The following CEP250 variants were observed in gnomAD, a reference collection of about 807,000 sequenced individuals.
The protein encoded by CEP250 is centrosomal protein 250.
In CEP250, 242 loss-of-function variants were observed where a neutral mutation model predicts 315.7. That is an observed-to-expected ratio of 0.77 (90% CI 0.69 to 0.85). CEP250 has a LOEUF of 0.85. Ranked by LOEUF, CEP250 falls within the 40% of genes least tolerant of loss-of-function variation. The pLI is 0.00. For synonymous variants in CEP250, 1,088 were observed against 1,175.0 expected, an observed-to-expected ratio of 0.93 and a Z score of 1.51; for missense variants, 2,515 against 2,886.4, an observed-to-expected ratio of 0.87 and a Z score of 2.95.
chr20:35,466,697 T>C (rs2062886315), intron 7 of CEP250, among the ~76,000 whole-genome samples: 1 of 152,144 alleles, frequency 6.6e-6, no homozygotes, highest in African/African-American at 2.4e-5. Flanking sequence ...TCTGTGGTAA[T>C]AGATCCCATT....
In CEP250 at chr20:35,503,310, G is replaced by A; in HGVS notation, c.4941G>A (p.Glu1647=). 2 of 1,614,210 alleles carry A rather than the reference G, an allele frequency of 1.2e-6. No individual in the cohort carries two copies. The highest frequency in any genetic ancestry group is 1.7e-6 in the Non-Finnish European group (2 of 1,180,038). ...TCGAGGAGCTGCAGAGGCAGAAAGA[G>A]CATCTGACTCAGGATCTCGAGAGGA... ...EQIEELQRQK[E]HLTQDLERRD... is the part of the protein sequence containing the mutation. The change falls in exon 30 of 35, where the codon GAG becomes GAA. Residue 1647 remains glutamate, a synonymous_variant. Transcript: ENST00000397527. The surrounding 1 kb of genome is among the most constrained non-coding windows in gnomAD (Gnocchi z 4.2).
Position 35,504,534 on chromosome 20 carries a change from G to A in CEP250, c.6165G>A (p.Gln2055=), listed in dbSNP as rs748236734. The A allele has an allele frequency of 3.7e-5, 59 of 1,613,936 alleles. 2 individuals carry two copies. The South Asian group carries it at 6.3e-4, about 17-fold the overall frequency. ...GGGATGAAGAGCTGAGACATCAGCAGGAACGGGAGCAGCTGCTGGAGAAGT... is the reference window on the plus strand; with the variant it reads ...GGGATGAAGAGCTGAGACATCAGCAAGAACGGGAGCAGCTGCTGGAGAAGT... ...AQRDEELRHQ[Q]EREQLLEKSL... The change falls in exon 30 of 35, where the codon CAG becomes CAA. Residue 2055 remains glutamine (Q), a synonymous_variant. Coordinates refer to ENST00000397527, the MANE Select transcript of CEP250 (RefSeq NM_007186.6).
chr20:35,479,009 T>A (rs934416721), intron 17 of CEP250, among the ~76,000 whole-genome samples: 1 of 152,206 alleles, frequency 6.6e-6, no homozygotes, highest in African/African-American at 2.4e-5. Flanking sequence ...TCTTCTGCTG[T>A]CCCTAGCACA....
rs1253885480 is a variant in CEP250, at chr20:35,466,189, G to A, written c.477G>A (p.Trp159Ter). ...AGCTAATGAGGAAGGAGAGCCAGTG[G>A]CAGATGGAGCAGGAGGTAGGAAGAA... is the stretch of plus-strand genomic sequence containing the variant. ...RDELMRKESQ[W>*]QMEQEFFKGY... Residue 159 changes from tryptophan (W) to a stop codon, truncating the protein, a stop_gained, in exon 7 of 35, where the codon TGG becomes TGA. Coordinates refer to ENST00000397527, the MANE Select transcript of CEP250 (RefSeq NM_007186.6). LOFTEE classifies it high-confidence loss of function. 6.3e-7 allele frequency: 1 copy of A among 1,595,272 alleles called. No individual in the cohort carries two copies. Among genetic ancestry groups the A allele is most frequent in the Non-Finnish European group, 8.6e-7 (1 of 1,169,286 alleles).
At chr20:35,457,405 C>G (rs368480223) in intron 1 of CEP250, among the ~76,000 whole-genome samples, 128 of 152,056 alleles carry the variant, frequency 8.4e-4, no homozygotes, top group African/African-American at 3.0e-3. Context: ...GCATCTTGTC[C>G]CAGGCTGGAG....
At chr20:35,483,194 T>C (rs966975922) in intron 20 of CEP250, among the ~76,000 whole-genome samples, 4 of 151,710 alleles carry the variant, frequency 2.6e-5, no homozygotes, top group African/African-American at 9.7e-5. Context: ...GTAGCACATG[T>C]CTGTAATCCT....
chr20:35,496,173 A>G (rs1467257010), intron 24 of CEP250, among the ~76,000 whole-genome samples: 3 of 152,110 alleles, frequency 2.0e-5, no homozygotes, highest in Admixed American at 6.5e-5. Context: ...AATTTGCCAG[A>G]GAAGAATAAG....
Position 35,467,046 on chromosome 20 carries a change from C to G in CEP250, c.573C>G (p.Phe191Leu). Reference sequence around the variant, plus strand: ...AGGTTGTGACATTCCGACGCCACTTCCTGGAAATGAAGTCAGCTACTGACA... The same window carrying G: ...AGGTTGTGACATTCCGACGCCACTTGCTGGAAATGAAGTCAGCTACTGACA... ...WREVVTFRRHFLEMKSATDRD... is the reference protein window; with the variant it reads ...WREVVTFRRHLLEMKSATDRD... The change falls in exon 8 of 35, where the codon TTC (phenylalanine) becomes TTG (leucine). Residue 191 changes from phenylalanine to leucine, a missense_variant. Coordinates refer to ENST00000397527, the MANE Select transcript of CEP250 (RefSeq NM_007186.6). 6.2e-7 allele frequency: 1 copy of G among 1,613,712 alleles called. No individual in the cohort carries two copies. Among genetic ancestry groups the G allele is most frequent in the Non-Finnish European group, 8.5e-7 (1 of 1,179,752 alleles).
chr20:35,472,953 G>A (rs546197547), intron 12 of CEP250, 122 bp downstream of exon 12: 22 of 932,868 alleles, frequency 2.4e-5, no homozygotes, highest in African/African-American at 9.9e-5. Context: ...GAGGTGTTCT[G>A]TCAATATCCC....
intron 30 of CEP250, 33 bp downstream of exon 30, chr20:35,505,038 G>A: frequency 6.5e-7 from 1 of 1,540,406 alleles, no homozygotes; most frequent in Middle Eastern, 1.7e-4. Flanking sequence ...AGGGCCAGGG[G>A]ACACACCCCT....
intron 9 of CEP250, among the ~76,000 whole-genome samples, chr20:35,468,756 G>A (rs1050321517): frequency 6.6e-6 from 1 of 152,280 alleles, no homozygotes; most frequent in East Asian, 1.9e-4. Flanking sequence ...GCTCACCGCA[G>A]CCTTAACCTC....
chr20:35,510,124 G>T, intron 34 of CEP250, 70 bp downstream of exon 34: 1 of 1,428,028 alleles, frequency 7.0e-7, no homozygotes, highest in Non-Finnish European at 9.9e-7. Context: ...CTCCAGCAGG[G>T]AGAGGGGAAG....
In CEP250 at chr20:35,462,361, T is replaced by A. The variant is rs1601114376; in HGVS notation, c.-7T>A. On this transcript the variant is annotated 5_prime_UTR_variant, in exon 4 of 35. Coordinates refer to ENST00000397527, the MANE Select transcript of CEP250 (RefSeq NM_007186.6). ...AGGGACCTGTGGGCCTACCACCTGG[T>A]GCCCTCATGGAGACAAGAAGCCCTG... 6.4e-7 allele frequency: 1 copy of A among 1,570,800 alleles called. No individual in the cohort carries two copies. Among genetic ancestry groups the A allele is most frequent in the Non-Finnish European group, 8.7e-7 (1 of 1,155,580 alleles).
Position 35,503,131 on chromosome 20 carries a change from G to C in CEP250, c.4762G>C (p.Val1588Leu), listed in dbSNP as rs144589737. ...ELEGQRETQR[V>L]ALTHLTLDLE... ...GGAGGGCCAGAGGGAAACCCAGAGA[G>C]TGGCTTTGACCCACCTTACGCTGGA... Residue 1588 changes from valine to leucine, a missense_variant, in exon 30 of 35, where the codon GTG becomes CTG. Physicochemically the swap from Val to Leu is conservative, Grantham distance 32. Coordinates refer to ENST00000397527, the MANE Select transcript of CEP250 (RefSeq NM_007186.6). This position sits in a 1 kb window ranked among gnomAD's most constrained non-coding sequence, Gnocchi z 4.2. 28 of 1,614,058 alleles carry C rather than the reference G, an allele frequency of 1.7e-5. No individual in the cohort carries two copies. In the African/African-American group the frequency reaches 3.3e-4, roughly 19 times the overall value.
In CEP250 at chr20:35,472,789, T is replaced by C. The variant is rs2146784354; in HGVS notation, c.1167T>C (p.Thr389=). The change falls in exon 12 of 35, where the codon ACT becomes ACC. Residue 389 remains threonine, a synonymous_variant. Coordinates refer to ENST00000397527, the MANE Select transcript of CEP250 (RefSeq NM_007186.6). ...FDYQDADKAL[T]LVRSVLTRRR... ...ACCAGGATGCAGACAAGGCTCTTAC[T>C]CTGGTGCGTTCAGTGCTGACTCGGA... 1 of 1,614,196 alleles carries C rather than the reference T, an allele frequency of 6.2e-7. No homozygotes were observed. The highest frequency in any genetic ancestry group is 1.7e-5 in the Admixed American group (1 of 60,026).
intron 24 of CEP250, 99 bp from the exon 25 acceptor site, chr20:35,496,478 T>C: frequency 9.9e-7 from 1 of 1,011,186 alleles, no homozygotes; most frequent in East Asian, 2.5e-5. Context: ...TTACTATTTC[T>C]ATTTTGATTA....
intron 5 of CEP250, among the ~76,000 whole-genome samples, chr20:35,465,267 A>C (rs2062846522): frequency 6.6e-6 from 1 of 152,024 alleles, no homozygotes; most frequent in Non-Finnish European, 1.5e-5. Context: ...TAAAACTACA[A>C]AAATTATCCA....
At chr20:35,490,615 G>A (rs1394746500) in intron 20 of CEP250, 22 bp from the exon 21 acceptor site, 3 of 1,607,710 alleles carry the variant, frequency 1.9e-6, no homozygotes, top group Admixed American at 3.4e-5. Flanking sequence ...TGGTTCTAAT[G>A]GTGTTTCCTT....
intron 1 of CEP250, among the ~76,000 whole-genome samples, chr20:35,456,547 GTTC>G (rs1368621576): frequency 6.6e-6 from 1 of 152,202 alleles, no homozygotes; most frequent in Non-Finnish European, 1.5e-5. Flanking sequence ...TGTTCCTTTA[GTTC>G]TTCTATCTTT....
Sources: gnomAD v4.1 joint callset for allele counts (sites outside exome capture counted in the v4.1 genomes callset) on GRCh38, gnomAD v4.1.1 for gene constraint, Gnocchi (gnomAD v3.1) non-coding constraint, MANE v1.5 for transcripts, NCBI Gene and HGNC (gene_info 2026-07-23, HGNC 2026-07-21) for gene names.